Variants in TASOR2 observed in about 807,000 individuals in gnomAD.
TASOR2 encodes protein TASOR 2.
In TASOR2, 84 loss-of-function variants were observed where a neutral mutation model predicts 199.5. The ratio of observed to expected loss-of-function variants is 0.42; its 90% confidence interval spans 0.35 to 0.50. The LOEUF is 0.50. TASOR2 is among the 20% of genes least tolerant of loss of function. TASOR2 has a pLI of 0.02. For synonymous variants in TASOR2, 1,103 were observed against 1,046.6 expected (o/e 1.05, Z -1.04); for missense variants, 2,796 against 2,835.9 (o/e 0.99, Z 0.32).
At position 5,701,441 on chromosome 10, in the gene TASOR2, G is replaced by A. The variant is rs1837832108; in HGVS notation, c.-287-11382G>A. On this transcript the variant is annotated intron_variant, in intron 1 of 20. Transcript: ENST00000328090. This position sits in a 1 kb window ranked among gnomAD's most constrained non-coding sequence, Gnocchi z 4.9. ...TGCTTAGTATTGGTTTGGCTATTCAGGATCTTTTGTGGTTCCATATACATT... is the reference window on the plus strand; with the variant it reads ...TGCTTAGTATTGGTTTGGCTATTCAAGATCTTTTGTGGTTCCATATACATT... Among the ~76,000 whole-genome samples, 1 of 152,206 alleles carries A rather than the reference G, an allele frequency of 6.6e-6. No homozygotes were observed. Among genetic ancestry groups the A allele is most frequent in the African/African-American group, 2.4e-5 (1 of 41,536 alleles).
Position 5,730,454 on chromosome 10 carries a change from T to G in TASOR2, c.488-33T>G. 7.0e-7 allele frequency: 1 copy of G among 1,436,574 alleles called. No homozygotes were observed. Among genetic ancestry groups the G allele is most frequent in the South Asian group, 1.5e-5 (1 of 65,574 alleles). 89.0% of individuals were successfully genotyped at this position (1,436,574 alleles called of 1,614,324 possible). A position where few individuals can be genotyped will look rare whatever the true frequency, so the allele number is the denominator to read the frequency against. On this transcript the variant is annotated intron_variant, in intron 10 of 20. Coordinates refer to ENST00000328090, the Ensembl canonical transcript of TASOR2. The surrounding 1 kb of genome is among the most constrained non-coding windows in gnomAD (Gnocchi z 4.1). ...AATGTTTTGTTTTTAAAAAATAAACTTCAGATGTTTAATACGTGTGTATAT... is the reference window on the plus strand; with the variant it reads ...AATGTTTTGTTTTTAAAAAATAAACGTCAGATGTTTAATACGTGTGTATAT...
rs904320722 is a variant in TASOR2 at position 5,685,977 on chromosome 10, A to G, written c.-288+802A>G. ...AATGGCATTCGCGATCCTAGAGTCTACAGTGTTCCCTGAATAAAACTAGGG... is the reference window on the plus strand; with the variant it reads ...AATGGCATTCGCGATCCTAGAGTCTGCAGTGTTCCCTGAATAAAACTAGGG... On this transcript the variant is annotated intron_variant, in intron 1 of 20. Transcript: ENST00000328090. The surrounding 1 kb of genome is among the most constrained non-coding windows in gnomAD (Gnocchi z 5.4). 4.6e-5 allele frequency among the ~76,000 whole-genome samples: 7 copies of G among 152,246 alleles called. No homozygotes were observed. The highest frequency in any genetic ancestry group is 1.4e-4 in the African/African-American group (6 of 41,460).
chr10:5,716,097 ATAG>A (rs1316794285), intron 2 of TASOR2, among the ~76,000 whole-genome samples: 1 of 152,226 alleles, frequency 6.6e-6, no homozygotes, highest in Non-Finnish European at 1.5e-5. Flanking sequence ...CAGTTATAAA[ATAG>A]TGGTGTGTGT....
In TASOR2 at chr10:5,740,152, C is replaced by T. The variant is rs199858709; in HGVS notation, c.1982C>T (p.Thr661Ile). 8.5e-5 allele frequency: 138 copies of T among 1,614,214 alleles called. No individual in the cohort carries two copies. The highest frequency in any genetic ancestry group is 3.0e-4 in the Admixed American group (18 of 60,028). Residue 661 changes from threonine (T) to isoleucine (I), a missense_variant, in exon 13 of 21, where the codon ACA (threonine) becomes ATA (isoleucine). Physicochemically the swap from Thr to Ile is moderately conservative, Grantham distance 89. This residue lies in a region of TASOR2 where 847 missense variants were observed against 887.4 expected (regional missense o/e 0.95). Transcript: ENST00000328090. This position sits in a 1 kb window ranked among gnomAD's most constrained non-coding sequence, Gnocchi z 5.3. ...GAACATTCATATGCCCTGCTCCTTA[C>T]AGAACATTCAAAGAAACATCTACAG...
rs771060221 is a variant in TASOR2, at chr10:5,740,338, C to T, written c.2168C>T (p.Pro723Leu). The change falls in exon 13 of 21, where the codon CCG (proline) becomes CTG (leucine). Residue 723 changes from proline (P) to leucine (L), a missense_variant. Around this residue, in one of 3 missense-constraint regions of TASOR2, gnomAD observed 847 missense variants for 887.4 expected, o/e 0.95. Transcript: ENST00000328090. This position sits in a 1 kb window ranked among gnomAD's most constrained non-coding sequence, Gnocchi z 5.3. ...GTGGTGAAGCCCAAGGATCGACCAC[C>T]GTCTGCCCGTGTGAAAAAATCTTCT... 26 of 1,614,076 alleles carry T rather than the reference C, an allele frequency of 1.6e-5. No individual in the cohort carries two copies. Among genetic ancestry groups the T allele is most frequent in the African/African-American group, 8.0e-5 (6 of 74,930 alleles).
At position 5,705,759 on chromosome 10, in the gene TASOR2, G is replaced by A. The variant is rs554777638; in HGVS notation, c.-287-7064G>A. 3.3e-5 allele frequency among the ~76,000 whole-genome samples: 5 copies of A among 152,036 alleles called. No homozygotes were observed. The South Asian group carries it at 1.0e-3, about 32-fold the overall frequency. On this transcript the variant is annotated intron_variant, in intron 1 of 20. Coordinates refer to ENST00000328090, the Ensembl canonical transcript of TASOR2. ...TTTCCCATGTTTCTTTTTATTATAT[G>A]CTTTATTTTGTGAAATGTGTCTATG...
chr10:5,739,437 G>A (rs187479150), intron 12 of TASOR2, among the ~76,000 whole-genome samples, 181 bp from the exon 14 acceptor site: 43 of 152,270 alleles, frequency 2.8e-4, no homozygotes, highest in Admixed American at 2.5e-3. Flanking sequence ...TATGCAATAT[G>A]TATAACATAA....
At position 5,730,094 on chromosome 10, in the gene TASOR2, A is replaced by C. The variant is rs1834604162; in HGVS notation, c.488-393A>C. Among the ~76,000 whole-genome samples the C allele has an allele frequency of 6.6e-6, 1 of 152,240 alleles. No homozygotes were observed. Among genetic ancestry groups the C allele is most frequent in the African/African-American group, 2.4e-5 (1 of 41,474 alleles). On this transcript the variant is annotated intron_variant, in intron 10 of 20. Coordinates refer to ENST00000328090, the Ensembl canonical transcript of TASOR2. This position sits in a 1 kb window ranked among gnomAD's most constrained non-coding sequence, Gnocchi z 4.1. ...AGTAAGGTACAGCTACAGTAAAATA[A>C]ATTTTAAAACAAAATAAGAAAAAGT...
At chr10:5,731,913 C>A (rs2890365) in intron 11 of TASOR2, among the ~76,000 whole-genome samples, 71,198 of 152,046 alleles carry the variant, frequency 0.47, 17,474 homozygotes, top group East Asian at 0.79. Context: ...CAACACCTAT[C>A]GAGAGGAGGG....
At position 5,749,689 on chromosome 10, in the gene TASOR2, T is replaced by C. The variant is rs185121400; in HGVS notation, c.6268T>C (p.Phe2090Leu). The C allele has an allele frequency of 1.9e-5, 31 of 1,614,222 alleles. 1 individual carries two copies. In the African/African-American group the frequency reaches 3.6e-4, roughly 19 times the overall value. ...TTCTCAAAGAAATCACACTGTTTCA[T>C]TCCACCTCAACAAACTGAAATACAA... The change falls in exon 15 of 21, where the codon TTC (phenylalanine) becomes CTC (leucine). Residue 2090 changes from phenylalanine (F) to leucine (L), a missense_variant. Transcript: ENST00000328090.
chr10:5,734,659 G>C (rs1179307366), intron 11 of TASOR2, among the ~76,000 whole-genome samples: 2 of 151,734 alleles, frequency 1.3e-5, no homozygotes, highest in African/African-American at 2.4e-5. Flanking sequence ...ATATCCTGGG[G>C]CTGTGATCTA....
intron 1 of TASOR2, among the ~76,000 whole-genome samples, chr10:5,700,985 T>C (rs981421128): frequency 1.3e-5 from 2 of 152,056 alleles, no homozygotes; most frequent in African/African-American, 4.8e-5. Context: ...TTTTTTAGCT[T>C]GATGTAATCC....
chr10:5,735,216 TAAAAA>T, intron 11 of TASOR2, 83 bp from the exon 13 acceptor site: 7 of 1,502,304 alleles, frequency 4.7e-6, no homozygotes, highest in Non-Finnish European at 6.2e-6. Context: ...GTCCCCAAAA[TAAAAA>T]CAAAACAAAA....
In TASOR2 at chr10:5,742,637, T is replaced by C. The variant is rs558678336; in HGVS notation, c.2757+111T>C. 3.5e-4 allele frequency: 354 copies of C among 1,008,842 alleles called. 4 individuals are homozygous for C. In the South Asian group the frequency reaches 5.3e-3, roughly 15 times the overall value. The allele number at this position is 1,008,842 out of a possible 1,614,324, so 62.5% of individuals were successfully genotyped here. On this transcript the variant is annotated intron_variant, in intron 14 of 20. Transcript: ENST00000328090. This position sits in a 1 kb window ranked among gnomAD's most constrained non-coding sequence, Gnocchi z 4.2. ...ATTTTTAAATTTTAGGACAGTGAAT[T>C]CTCAAGGTATGTAAAGAACTATTAC...
At chr10:5,692,020 C>G (rs925301836) in intron 1 of TASOR2, among the ~76,000 whole-genome samples, 1 of 151,758 alleles carries the variant, frequency 6.6e-6, no homozygotes, top group Non-Finnish European at 1.5e-5. Flanking sequence ...ACTAAAAATA[C>G]AAAAATTAGC....
chr10:5,742,279 A>T lies in TASOR2; in HGVS notation c.2510A>T (p.Glu837Val), dbSNP rs1164891360. 6.2e-7 allele frequency: 1 copy of T among 1,614,098 alleles called. No individual in the cohort carries two copies. The highest frequency in any genetic ancestry group is 1.3e-5 in the African/African-American group (1 of 74,944). ...ACGTTAGAATCTTGTGAGCTCCGTG[A>T]AATTGAGGAGTCCCTTGGTTTGGAA... The change falls in exon 14 of 21, where the codon GAA becomes GTA. Residue 837 changes from glutamate to valine, a missense_variant. Physicochemically the swap from Glu to Val is moderately radical, Grantham distance 121. Around this residue, in one of 3 missense-constraint regions of TASOR2, gnomAD observed 1,941 missense variants for 1,924.9 expected, o/e 1.01. Transcript: ENST00000328090. This position sits in a 1 kb window ranked among gnomAD's most constrained non-coding sequence, Gnocchi z 4.2.
chr10:5,711,297 G>A (rs2131547427), intron 1 of TASOR2, among the ~76,000 whole-genome samples: 1 of 151,956 alleles, frequency 6.6e-6, no homozygotes, highest in Non-Finnish European at 1.5e-5. Flanking sequence ...TTTGTATATT[G>A]GTTACTTACA....
At chr10:5,718,578 T>C (rs1053484515) in intron 3 of TASOR2, among the ~76,000 whole-genome samples, 2 of 151,796 alleles carry the variant, frequency 1.3e-5, no homozygotes, top group Non-Finnish European at 1.5e-5. Context: ...CGAAACCCTG[T>C]CTCCACTTTT....
At chr10:5,757,280 A>C (rs1321455668) in intron 16 of TASOR2, among the ~76,000 whole-genome samples, 1 of 152,106 alleles carries the variant, frequency 6.6e-6, no homozygotes. Context: ...TGTTATTTCC[A>C]ACCTTTGGGA....
Sources: gnomAD v4.1 joint callset for allele counts (sites outside exome capture counted in the v4.1 genomes callset) on GRCh38, gnomAD v4.1.1 for gene constraint, gnomAD v4.1.1 regional missense constraint, Gnocchi (gnomAD v3.1) non-coding constraint, MANE v1.5 for transcripts, NCBI Gene and HGNC (gene_info 2026-07-23, HGNC 2026-07-21) for gene names.